The following ZNF865 variants were observed in gnomAD, a reference collection of about 807,000 sequenced individuals.
ZNF865 encodes zinc finger protein 865.
For synonymous variants in ZNF865, 763 were observed against 750.8 expected (o/e 1.02, Z -0.27); for missense variants, 1,311 against 1,593.4 (o/e 0.82, Z 3.02).
rs1202730603 is a variant in ZNF865 at position 55,615,959 on chromosome 19, G to A, written c.2341G>A (p.Ala781Thr). 2.7e-6 allele frequency: 4 copies of A among 1,505,610 alleles called. No individual in the cohort carries two copies. The highest frequency in any genetic ancestry group is 5.0e-5 in the East Asian group (2 of 39,694). 93.3% of individuals were successfully genotyped at this position (1,505,610 alleles called of 1,614,324 possible). ...CGCAGGCGGGGCGGCGGTGGCAGGT[G>A]CTGGCGGGGGTGCCAGTTCCGGCCC... The part of the protein sequence containing the change: ...EDAGGAAVAG[A>T]GGGASSGPER... Residue 781 changes from alanine to threonine, a missense_variant, in exon 2 of 2, where the codon GCT becomes ACT. Transcript: ENST00000568956.
chr19:55,616,345 C>T lies in ZNF865; in HGVS notation c.2727C>T (p.Cys909=). 3.3e-6 allele frequency: 5 copies of T among 1,522,404 alleles called. No homozygotes were observed. Among genetic ancestry groups the T allele is most frequent in the Non-Finnish European group, 3.5e-6 (4 of 1,139,974 alleles). The allele number at this position is 1,522,404 out of a possible 1,614,324, so 94.3% of individuals were successfully genotyped here. ...AGCGGGCCTTCAAGTGCGGCGTGTG[C>T]GCCAAGCGCTTCGCGCAGTCGTCCA... ...TGERAFKCGV[C]AKRFAQSSSL... is the part of the protein sequence containing the mutation. Residue 909 remains cysteine, a synonymous_variant, in exon 2 of 2, where the codon TGC becomes TGT. Transcript: ENST00000568956.
Position 55,616,825 on chromosome 19 carries a change from CA to C in ZNF865, c.*31del. 9 of 1,433,644 alleles carry C rather than the reference CA, an allele frequency of 6.3e-6. No homozygotes were observed. The highest frequency in any genetic ancestry group is 8.2e-6 in the Non-Finnish European group (9 of 1,098,584). The allele number at this position is 1,433,644 out of a possible 1,614,324, so 88.8% of individuals were successfully genotyped here. The stretch of plus-strand genomic sequence containing the variant: ...CGAGGGGTTCCCATCCCACTCCCAT[CA>C]AAAGCCCCCTTCTGGACTCCCACCT... On this transcript the variant is annotated 3_prime_UTR_variant, in exon 2 of 2. Coordinates refer to ENST00000568956, the MANE Select transcript of ZNF865 (RefSeq NM_001195605.2).
In ZNF865 at chr19:55,611,357, C is replaced by T. The variant is rs370983115; in HGVS notation, c.-26-2236C>T. Among the ~76,000 whole-genome samples the T allele has an allele frequency of 2.0e-5, 3 of 152,238 alleles. No individual in the cohort carries two copies. Among genetic ancestry groups the T allele is most frequent in the Non-Finnish European group, 2.9e-5 (2 of 68,020 alleles). ...ACACTCTTGCCCTCCCTCCCCATAG[C>T]GCCCTAAATCACCCCCTATTCCCTG... On this transcript the variant is annotated intron_variant, in intron 1 of 1. Transcript: ENST00000568956. This position sits in a 1 kb window ranked among gnomAD's most constrained non-coding sequence, Gnocchi z 4.5.
chr19:55,614,447 G>T lies in ZNF865; in HGVS notation c.829G>T (p.Val277Leu), dbSNP rs1981265405. 3 of 1,435,594 alleles carry T rather than the reference G, an allele frequency of 2.1e-6. No individual in the cohort carries two copies. Among genetic ancestry groups the T allele is most frequent in the Non-Finnish European group, 1.8e-6 (2 of 1,094,954 alleles). 88.9% of individuals were successfully genotyped at this position (1,435,594 alleles called of 1,614,324 possible). A position where few individuals can be genotyped will look rare whatever the true frequency, so the allele number is the denominator to read the frequency against. The change falls in exon 2 of 2, where the codon GTG becomes TTG. Residue 277 changes from valine (V) to leucine (L), a missense_variant. Physicochemically the swap from Val to Leu is conservative, Grantham distance 32. Coordinates refer to ENST00000568956, the MANE Select transcript of ZNF865 (RefSeq NM_001195605.2). The surrounding 1 kb of genome is among the most constrained non-coding windows in gnomAD (Gnocchi z 8.0). ...LIRHRRCHKDVPPAAGGPPQP... is the reference protein window; with the variant it reads ...LIRHRRCHKDLPPAAGGPPQP... ...CCGCCACCGCCGCTGCCACAAGGAC[G>T]TGCCACCGGCCGCGGGGGGCCCGCC...
chr19:55,609,764 C>T (rs1282478920), intron 1 of ZNF865, among the ~76,000 whole-genome samples: 3 of 152,196 alleles, frequency 2.0e-5, no homozygotes, highest in Non-Finnish European at 4.4e-5. Context: ...AATACACTTG[C>T]TGTGGGACTC....
At position 55,614,575 on chromosome 19, in the gene ZNF865, G is replaced by T; in HGVS notation, c.957G>T (p.Thr319=). Residue 319 remains threonine, a synonymous_variant, in exon 2 of 2, where the codon ACG becomes ACT. Transcript: ENST00000568956. The surrounding 1 kb of genome is among the most constrained non-coding windows in gnomAD (Gnocchi z 8.0). ...PSTVSSGPPA[T]PVAPAPSADG... is the part of the protein sequence containing the mutation. ...CGGTGTCCTCGGGCCCTCCAGCCAC[G>T]CCCGTGGCGCCTGCCCCCTCCGCAG... is the stretch of plus-strand genomic sequence containing the variant. 1.3e-6 allele frequency: 2 copies of T among 1,501,456 alleles called. No homozygotes were observed. Among genetic ancestry groups the T allele is most frequent in the Non-Finnish European group, 1.8e-6 (2 of 1,131,502 alleles). 93.0% of individuals were successfully genotyped at this position (1,501,456 alleles called of 1,614,324 possible).
At position 55,614,925 on chromosome 19, in the gene ZNF865, G is replaced by A. The variant is rs1345926762; in HGVS notation, c.1307G>A (p.Gly436Glu). The part of the protein sequence containing the change: ...QAAHAGAGAG[G>E]PRPVYPCDLC... ...GCCCACGCGGGGGCGGGCGCCGGGG[G>A]GCCTCGGCCCGTGTACCCCTGCGAC... The change falls in exon 2 of 2, where the codon GGG becomes GAG. Residue 436 changes from glycine (G) to glutamate (E), a missense_variant. Physicochemically the swap from Gly to Glu is moderately conservative, Grantham distance 98. Transcript: ENST00000568956. This position sits in a 1 kb window ranked among gnomAD's most constrained non-coding sequence, Gnocchi z 8.0. 6 of 1,484,866 alleles carry A rather than the reference G, an allele frequency of 4.0e-6. No homozygotes were observed. In the South Asian group the frequency reaches 6.5e-5, roughly 16 times the overall value. The allele number at this position is 1,484,866 out of a possible 1,614,324, so 92.0% of individuals were successfully genotyped here.
chr19:55,612,380 T>C (rs310465), intron 1 of ZNF865: 142,043 of 152,276 alleles, frequency 0.93, 66,369 homozygotes, highest in East Asian at 0.99. Context: ...TCCTTTCTAC[T>C]GTCTATTAAT....
In ZNF865 at chr19:55,611,848, C is replaced by G. The variant is rs1981147688; in HGVS notation, c.-26-1745C>G. Among the ~76,000 whole-genome samples the G allele has an allele frequency of 1.3e-5, 2 of 152,170 alleles. No individual in the cohort carries two copies. The highest frequency in any genetic ancestry group is 2.9e-5 in the Non-Finnish European group (2 of 68,042). ...TGGTGGAGGTGCTTCCCCAGGCCAG[C>G]AAGTAGACCAAGAACTCGGAGATCA... On this transcript the variant is annotated intron_variant, in intron 1 of 1. Coordinates refer to ENST00000568956, the MANE Select transcript of ZNF865 (RefSeq NM_001195605.2). The surrounding 1 kb of genome is among the most constrained non-coding windows in gnomAD (Gnocchi z 4.5).
Position 55,614,184 on chromosome 19 carries a change from C to G in ZNF865, c.566C>G (p.Ala189Gly), listed in dbSNP as rs1429060165. 1 of 1,491,206 alleles carries G rather than the reference C, an allele frequency of 6.7e-7. No homozygotes were observed. Among genetic ancestry groups the G allele is most frequent in the Admixed American group, 2.2e-5 (1 of 44,544 alleles). The allele number at this position is 1,491,206 out of a possible 1,614,324, so 92.4% of individuals were successfully genotyped here. ...APAGAPGPLP[A>G]PSQTPPGPPA... ...GCGGGGGCCCCAGGGCCGCTTCCTG[C>G]CCCCTCGCAGACCCCGCCAGGACCC... Residue 189 changes from alanine (A) to glycine (G), a missense_variant, in exon 2 of 2, where the codon GCC (alanine) becomes GGC (glycine). Transcript: ENST00000568956. The surrounding 1 kb of genome is among the most constrained non-coding windows in gnomAD (Gnocchi z 8.0).
chr19:55,614,608 C>A lies in ZNF865; in HGVS notation c.990C>A (p.Ser330Arg), dbSNP rs938012088. ...CGCCTGCCCCCTCCGCAGACGGGAG[C>A]GCCGCCCCTGCTGGTGTTGGGGTGC... ...PVAPAPSADG[S>R]AAPAGVGVPP... Residue 330 changes from serine to arginine, a missense_variant, in exon 2 of 2, where the codon AGC (serine) becomes AGA (arginine). Physicochemically the swap from Ser to Arg is moderately radical, Grantham distance 110. Transcript: ENST00000568956. This position sits in a 1 kb window ranked among gnomAD's most constrained non-coding sequence, Gnocchi z 8.0. The A allele has an allele frequency of 1.3e-6, 2 of 1,525,200 alleles. No individual in the cohort carries two copies. Among genetic ancestry groups the A allele is most frequent in the Non-Finnish European group, 1.8e-6 (2 of 1,141,748 alleles). 94.5% of individuals were successfully genotyped at this position (1,525,200 alleles called of 1,614,324 possible).
chr19:55,614,466 G>T lies in ZNF865; in HGVS notation c.848G>T (p.Gly283Val). ...CHKDVPPAAG[G>V]PPQPGPHLPP... ...AAGGACGTGCCACCGGCCGCGGGGGGCCCGCCCCAGCCCGGCCCCCACCTC... is the reference window on the plus strand; with the variant it reads ...AAGGACGTGCCACCGGCCGCGGGGGTCCCGCCCCAGCCCGGCCCCCACCTC... The change falls in exon 2 of 2, where the codon GGC (glycine) becomes GTC (valine). Residue 283 changes from glycine (G) to valine (V), a missense_variant. Gly to Val is a moderately radical substitution (Grantham distance 109). Coordinates refer to ENST00000568956, the MANE Select transcript of ZNF865 (RefSeq NM_001195605.2). The surrounding 1 kb of genome is among the most constrained non-coding windows in gnomAD (Gnocchi z 8.0). 1 of 1,392,252 alleles carries T rather than the reference G, an allele frequency of 7.2e-7. No homozygotes were observed. Among genetic ancestry groups the T allele is most frequent in the Non-Finnish European group, 9.3e-7 (1 of 1,073,092 alleles). 86.2% of individuals were successfully genotyped at this position (1,392,252 alleles called of 1,614,324 possible).
At position 55,611,093 on chromosome 19, in the gene ZNF865, T is replaced by C. The variant is rs763772424; in HGVS notation, c.-26-2500T>C. Among the ~76,000 whole-genome samples the C allele has an allele frequency of 2.6e-5, 4 of 152,166 alleles. No homozygotes were observed. The highest frequency in any genetic ancestry group is 5.9e-5 in the Non-Finnish European group (4 of 68,016). ...AGGGTGGGAATGGGGTTCAAGCCCA[T>C]TGATCCAGACTCCTACTCCGTGACC... On this transcript the variant is annotated intron_variant, in intron 1 of 1. Transcript: ENST00000568956. The surrounding 1 kb of genome is among the most constrained non-coding windows in gnomAD (Gnocchi z 4.5).
At chr19:55,612,233 G>C (rs1012092886) in intron 1 of ZNF865, among the ~76,000 whole-genome samples, 1 of 152,172 alleles carries the variant, frequency 6.6e-6, no homozygotes, top group Non-Finnish European at 1.5e-5. Flanking sequence ...CATGGAGAAA[G>C]TGTGGATCCC....
Position 55,613,700 on chromosome 19 carries a change from A to G in ZNF865, c.82A>G (p.Ser28Gly). ...IGGEDGVHFQ[S>G]YPFDFLEFLN... is the part of the protein sequence containing the mutation. The stretch of plus-strand genomic sequence containing the variant: ...GGGCGAGGACGGGGTGCACTTCCAG[A>G]GCTACCCCTTCGACTTCCTGGAATT... Residue 28 changes from serine (S) to glycine (G), a missense_variant, in exon 2 of 2, where the codon AGC becomes GGC. By Grantham distance (56) the Ser-to-Gly change is moderately conservative (BLOSUM62 0). Transcript: ENST00000568956. 1 of 1,534,408 alleles carries G rather than the reference A, an allele frequency of 6.5e-7. No individual in the cohort carries two copies. The highest frequency in any genetic ancestry group is 8.7e-7 in the Non-Finnish European group (1 of 1,146,168).
chr19:55,613,539 G>A (rs1015307962), intron 1 of ZNF865, 54 bp from the exon 2 acceptor site: 18 of 1,410,328 alleles, frequency 1.3e-5, no homozygotes, highest in Non-Finnish European at 1.5e-5. Flanking sequence ...CCATTCACCT[G>A]CGGGGAGACC....
Position 55,616,297 on chromosome 19 carries a change from G to T in ZNF865, c.2679G>T (p.Gln893His). Residue 893 changes from glutamine to histidine, a missense_variant, in exon 2 of 2, where the codon CAG becomes CAT. By Grantham distance (24) the Gln-to-His change is conservative (BLOSUM62 0). Transcript: ENST00000568956. ...TCCTGCGCTCCTGGTACCTGCGGCA[G>T]CACCGCGTGGTGCACACTGGCGAGC... ...RGFLRSWYLRQHRVVHTGERA... is the reference protein window; with the variant it reads ...RGFLRSWYLRHHRVVHTGERA... The T allele has an allele frequency of 6.6e-7, 1 of 1,518,854 alleles. No individual in the cohort carries two copies. The highest frequency in any genetic ancestry group is 1.4e-5 in the African/African-American group (1 of 72,138). The allele number at this position is 1,518,854 out of a possible 1,614,324, so 94.1% of individuals were successfully genotyped here.
rs1231982963 is a variant in ZNF865, at chr19:55,611,894, G to T, written c.-26-1699G>T. Among the ~76,000 whole-genome samples, 1 of 152,162 alleles carries T rather than the reference G, an allele frequency of 6.6e-6. No homozygotes were observed. Among genetic ancestry groups the T allele is most frequent in the Non-Finnish European group, 1.5e-5 (1 of 68,032 alleles). ...GATCAGTTACGGGTGCTGAGGGTCT[G>T]GTGTGGTGTGGGGTACACACATGGA... On this transcript the variant is annotated intron_variant, in intron 1 of 1. Coordinates refer to ENST00000568956, the MANE Select transcript of ZNF865 (RefSeq NM_001195605.2). The surrounding 1 kb of genome is among the most constrained non-coding windows in gnomAD (Gnocchi z 4.5).
rs1375030344 is a variant in ZNF865 at position 55,615,198 on chromosome 19, C to T, written c.1580C>T (p.Pro527Leu). The T allele has an allele frequency of 7.0e-7, 1 of 1,419,492 alleles. No individual in the cohort carries two copies. Among genetic ancestry groups the T allele is most frequent in the Non-Finnish European group, 9.1e-7 (1 of 1,098,522 alleles). 87.9% of individuals were successfully genotyped at this position (1,419,492 alleles called of 1,614,324 possible). ...CCCGTCCCGCTCCTGGGCGCCCACC[C>T]GCTGCTGCTCGGCGGCGCGGGGACC... ...AVPVPLLGAH[P>L]LLLGGAGTSG... Residue 527 changes from proline to leucine, a missense_variant, in exon 2 of 2, where the codon CCG becomes CTG. By Grantham distance (98) the Pro-to-Leu change is moderately conservative. Transcript: ENST00000568956.
Sources: gnomAD v4.1 joint callset for allele counts (sites outside exome capture counted in the v4.1 genomes callset) on GRCh38, gnomAD v4.1.1 for gene constraint, Gnocchi (gnomAD v3.1) non-coding constraint, MANE v1.5 for transcripts, NCBI Gene and HGNC (gene_info 2026-07-23, HGNC 2026-07-21) for gene names.